The following CREB5 variants were observed in gnomAD, a reference collection of about 807,000 sequenced individuals.
CREB5 encodes the protein cyclic AMP-responsive element-binding protein 5.
Under a neutral mutation model 57.1 loss-of-function variants are expected in CREB5, and 19 were observed. The ratio of observed to expected loss-of-function variants is 0.33; its 90% CI spans 0.23 to 0.49. CREB5 has a LOEUF of 0.49. Ranked by LOEUF, CREB5 falls within the 20% of genes least tolerant of loss-of-function variation. The pLI, the probability that CREB5 is intolerant of heterozygous loss-of-function variation, is 0.99. For missense variants in CREB5, 579 were observed against 671.6 expected (o/e 0.86, Z 1.52); for synonymous variants, 238 against 238.3 (o/e 1.00, Z 0.01).
intron 2 of CREB5, 21 bp downstream of exon 2, chr7:28,488,267 T>G (rs1791656408): frequency 6.2e-7 from 1 of 1,610,426 alleles, no homozygotes; most frequent in Non-Finnish European, 8.5e-7. Context: ...GGATCCTCCC[T>G]GCTCTGACAT....
At chr7:28,463,406 T>C (rs1790432011) in intron 1 of CREB5, among the ~76,000 whole-genome samples, 2 of 152,172 alleles carry the variant, frequency 1.3e-5, no homozygotes, top group Admixed American at 1.3e-4. Flanking sequence ...TTTTAGCTAT[T>C]ATAGTCCCAT....
At chr7:28,633,821 C>T (rs1269322154) in intron 5 of CREB5, among the ~76,000 whole-genome samples, 2 of 152,198 alleles carry the variant, frequency 1.3e-5, no homozygotes, top group African/African-American at 4.8e-5. Flanking sequence ...CTTGGTCATA[C>T]ATCTTCAAAC....
At chr7:28,389,174 C>T (rs966205580) in intron 1 of CREB5, among the ~76,000 whole-genome samples, 2 of 152,168 alleles carry the variant, frequency 1.3e-5, no homozygotes, top group African/African-American at 4.8e-5. Context: ...TTTGAAAAAT[C>T]TGCACATTAG....
At chr7:28,811,971 T>A (rs963106007) in intron 9 of CREB5, among the ~76,000 whole-genome samples, 4 of 152,236 alleles carry the variant, frequency 2.6e-5, no homozygotes, top group African/African-American at 9.6e-5. Flanking sequence ...CCCTATTGAC[T>A]TCCGGGCTTG....
chr7:28,612,543 G>GGGGTGTGT (rs201666363), intron 5 of CREB5, among the ~76,000 whole-genome samples: 10 of 137,298 alleles, frequency 7.3e-5, no homozygotes, highest in Non-Finnish European at 1.1e-4. Flanking sequence ...TTAGAGAAGG[G>GGGGTGTGT]GTGTGTGTGT....
rs1342010391 is a variant in CREB5 at position 28,469,548 on chromosome 7, G to A, written c.4-18627G>A. The stretch of plus-strand genomic sequence containing the variant: ...AATAAAAATTAATGTCTCTGCCAAT[G>A]AATGATACTAAAATGCCACACTATT... On this transcript the variant is annotated intron_variant, in intron 1 of 10. Transcript: ENST00000357727. Among the ~76,000 whole-genome samples, 5 of 152,198 alleles carry A rather than the reference G, an allele frequency of 3.3e-5. No homozygotes were observed. In the East Asian group the frequency reaches 9.6e-4, roughly 29 times the overall value.
chr7:28,531,270 C>G (rs968401973), intron 4 of CREB5, among the ~76,000 whole-genome samples: 1 of 152,098 alleles, frequency 6.6e-6, no homozygotes, highest in Non-Finnish European at 1.5e-5. Context: ...CCTCACAGCT[C>G]TGGATGCTTG....
chr7:28,412,404 T>C (rs575860572), upstream of CREB5: 1 of 152,402 alleles, frequency 6.6e-6, no homozygotes, highest in African/African-American at 2.4e-5. Context: ...TTTGAAAGTG[T>C]CCCCCCTTCT....
chr7:28,706,449 T>C (rs1270112445), intron 5 of CREB5, among the ~76,000 whole-genome samples: 1 of 152,186 alleles, frequency 6.6e-6, no homozygotes, highest in Non-Finnish European at 1.5e-5. Context: ...GTACATAGAT[T>C]GGACACAGTG....
At chr7:28,415,378 G>A (rs775409529) in intron 1 of CREB5, among the ~76,000 whole-genome samples, 1 of 152,136 alleles carries the variant, frequency 6.6e-6, no homozygotes, top group Admixed American at 6.5e-5. Context: ...CCTCCAGGTC[G>A]GGTGCTCCTG....
chr7:28,466,107 GTGTTA>G (rs780282404), intron 1 of CREB5, among the ~76,000 whole-genome samples: 3 of 148,734 alleles, frequency 2.0e-5, no homozygotes, highest in Non-Finnish European at 4.4e-5. Flanking sequence ...TTTAGAAAAA[GTGTTA>G]TGTTATAAGT....
At chr7:28,464,870 A>G (rs1790500152) in intron 1 of CREB5, among the ~76,000 whole-genome samples, 1 of 152,196 alleles carries the variant, frequency 6.6e-6, no homozygotes, top group Non-Finnish European at 1.5e-5. Flanking sequence ...AATACTTAAC[A>G]TACGTAGCTG....
At chr7:28,316,965 G>A (rs969353713) in intron 1 of CREB5, among the ~76,000 whole-genome samples, 2 of 150,948 alleles carry the variant, frequency 1.3e-5, no homozygotes, top group Admixed American at 1.3e-4. Context: ...ATATGACTTC[G>A]CCTACCATAA....
rs144365476 is a variant in CREB5, at chr7:28,445,843, G to A, written c.3+32926G>A. 1.0e-3 allele frequency among the ~76,000 whole-genome samples: 152 copies of A among 152,298 alleles called. 1 individual carries two copies. The highest frequency in any genetic ancestry group is 6.6e-3 in the East Asian group (34 of 5,178). ...TGGGATTACAGGCGTGAGCCACTGC[G>A]CCCGGCCTATTCTTCTAACATACTT... is the stretch of plus-strand genomic sequence containing the variant. On this transcript the variant is annotated intron_variant, in intron 1 of 10. Coordinates refer to ENST00000357727, the MANE Select transcript of CREB5 (RefSeq NM_182898.4).
chr7:28,373,606 G>A (rs1483748460), intron 1 of CREB5, among the ~76,000 whole-genome samples: 1 of 150,282 alleles, frequency 6.7e-6, no homozygotes, highest in South Asian at 2.1e-4. Flanking sequence ...TTTTCTTTTT[G>A]GTAGAGATGA....
At chr7:28,759,263 T>A (rs984602827) in intron 7 of CREB5, among the ~76,000 whole-genome samples, 5 of 152,170 alleles carry the variant, frequency 3.3e-5, no homozygotes, top group African/African-American at 7.2e-5. Flanking sequence ...CTAAGATATG[T>A]TAGATCATGT....
chr7:28,688,496 T>G (rs1801067067), intron 5 of CREB5, among the ~76,000 whole-genome samples: 1 of 152,224 alleles, frequency 6.6e-6, no homozygotes, highest in South Asian at 2.1e-4. Flanking sequence ...AACTCAAGTT[T>G]TTAAAGGAGA....
chr7:28,724,499 G>C (rs1803227973), intron 7 of CREB5, 167 bp downstream of exon 7: 1 of 594,496 alleles, frequency 1.7e-6, no homozygotes, highest in Non-Finnish European at 3.0e-6. Flanking sequence ...TTGTTACAGA[G>C]CCTTGGTGTC....
At chr7:28,796,224 G>A (rs2128794800) in intron 7 of CREB5, among the ~76,000 whole-genome samples, 1 of 152,124 alleles carries the variant, frequency 6.6e-6, no homozygotes, top group Middle Eastern at 3.4e-3. Flanking sequence ...AAGTAATCTG[G>A]GTTTTTTGTC....
Sources: allele counts gnomAD v4.1 joint callset (sites outside exome capture counted in the v4.1 genomes callset), GRCh38; gene constraint gnomAD v4.1.1; transcripts MANE v1.5; gene names NCBI Gene and HGNC (gene_info 2026-07-23, HGNC 2026-07-21).